Variants in ABCA13 observed in about 807,000 individuals in gnomAD.
ABCA13 encodes the protein ATP binding cassette subfamily A member 13.
In ABCA13, 476 loss-of-function variants were observed where a neutral mutation model predicts 478.7. The ratio of observed to expected loss-of-function variants is 0.99; its 90% CI spans 0.92 to 1.07. ABCA13 has a LOEUF of 1.07. Among genes scored for constraint, ABCA13 ranks in the 50% least tolerant of loss-of-function variants. ABCA13 has a pLI of 0.00. For missense variants in ABCA13, 6,060 were observed against 5,910.6 expected (o/e 1.03, Z -0.83); for synonymous variants, 2,252 against 2,158.9 (o/e 1.04, Z -1.20).
intron 31 of ABCA13, among the ~76,000 whole-genome samples, chr7:48,356,913 C>T (rs563421789): frequency 4.6e-5 from 7 of 152,104 alleles, no homozygotes; most frequent in Admixed American, 2.6e-4. Context: ...ACAAAAACCA[C>T]AACAATATCC....
At position 48,244,563 on chromosome 7, in the gene ABCA13, T is replaced by C; in HGVS notation, c.1263-13T>C. The C allele has an allele frequency of 6.2e-7, 1 of 1,608,604 alleles. No homozygotes were observed. Among genetic ancestry groups the C allele is most frequent in the South Asian group, 1.1e-5 (1 of 90,054 alleles). On this transcript the variant is annotated splice_polypyrimidine_tract_variant and intron_variant, in intron 10 of 61. Coordinates refer to ENST00000435803, the MANE Select transcript of ABCA13 (RefSeq NM_152701.5). The stretch of plus-strand genomic sequence containing the variant: ...CTTTTCATTTTATTTCATTTATTTA[T>C]TTTTGCCCTCAGATTACAGCATCTG...
At chr7:48,429,207 T>G (rs1307567784) in intron 42 of ABCA13, among the ~76,000 whole-genome samples, 1 of 152,194 alleles carries the variant, frequency 6.6e-6, no homozygotes, top group African/African-American at 2.4e-5. Context: ...GCATTTGGGG[T>G]TGTTTCCAGT....
intron 58 of ABCA13, among the ~76,000 whole-genome samples, chr7:48,597,201 G>C (rs1014017425): frequency 3.3e-5 from 5 of 152,046 alleles, no homozygotes; most frequent in Admixed American, 6.6e-5. Context: ...CCGCCCGCCT[G>C]GGCCTCCCAA....
chr7:48,461,788 C>T (rs1430151526), intron 43 of ABCA13, among the ~76,000 whole-genome samples: 1 of 152,132 alleles, frequency 6.6e-6, no homozygotes, highest in African/African-American at 2.4e-5. Flanking sequence ...ACAGTGAACT[C>T]ACAGATGTTG....
At chr7:48,293,943 A>G (rs1798951844) in intron 20 of ABCA13, among the ~76,000 whole-genome samples, 1 of 152,210 alleles carries the variant, frequency 6.6e-6, no homozygotes, top group South Asian at 2.1e-4. Flanking sequence ...GGAGCCTCTC[A>G]GGCTGTACTG....
chr7:48,329,819 A>C (rs1584875011), intron 27 of ABCA13, among the ~76,000 whole-genome samples: 1 of 151,770 alleles, frequency 6.6e-6, no homozygotes. Flanking sequence ...TCATCCACAC[A>C]TCTATTCATT....
intron 41 of ABCA13, among the ~76,000 whole-genome samples, chr7:48,423,683 G>C (rs755621810): frequency 6.6e-6 from 1 of 152,158 alleles, no homozygotes; most frequent in Non-Finnish European, 1.5e-5. Flanking sequence ...TGAATTTACT[G>C]TCCCTTGAAA....
intron 38 of ABCA13, 23 bp from the exon 39 acceptor site, chr7:48,403,660 G>C (rs769768183): frequency 6.8e-6 from 11 of 1,607,954 alleles, no homozygotes; most frequent in Non-Finnish European, 9.4e-6. Context: ...AGGGAGAAGA[G>C]TGATGTTTTC....
In ABCA13 at chr7:48,376,382, C is replaced by A. The variant is rs1340461786; in HGVS notation, c.11204-59C>A. ...TCCAGAAGTAATGAACTCATCATGA[C>A]AAAATCTACCATAAAAGAGCTTGTG... On this transcript the variant is annotated intron_variant, in intron 34 of 61. Transcript: ENST00000435803. The A allele has an allele frequency of 1.0e-5, 16 of 1,573,156 alleles. No homozygotes were observed. In the Middle Eastern group the frequency reaches 5.1e-4, roughly 50 times the overall value.
At chr7:48,463,099 T>C (rs565518297) in intron 43 of ABCA13, among the ~76,000 whole-genome samples, 6 of 152,338 alleles carry the variant, frequency 3.9e-5, no homozygotes, top group African/African-American at 9.6e-5. Context: ...TGTGTAGGCA[T>C]GTGCTTCTCT....
At chr7:48,203,306 C>G (rs1487207070) in intron 3 of ABCA13, among the ~76,000 whole-genome samples, 1 of 152,236 alleles carries the variant, frequency 6.6e-6, no homozygotes, top group Non-Finnish European at 1.5e-5. Flanking sequence ...CCCTCCACAC[C>G]TCCCCGCAAG....
intron 9 of ABCA13, among the ~76,000 whole-genome samples, chr7:48,240,634 G>T (rs1790692972): frequency 6.6e-6 from 1 of 152,140 alleles, no homozygotes; most frequent in African/African-American, 2.4e-5. Context: ...GGGGAAAAAA[G>T]AGAAATAAGG....
intron 15 of ABCA13, among the ~76,000 whole-genome samples, chr7:48,265,575 AT>A (rs1490226324): frequency 6.6e-6 from 1 of 151,422 alleles, no homozygotes; most frequent in Non-Finnish European, 1.5e-5. Context: ...ATCTTCAATA[AT>A]TTGTTGCTCA....
At position 48,580,259 on chromosome 7, in the gene ABCA13, G is replaced by T; in HGVS notation, c.14390G>T (p.Gly4797Val). 1.2e-6 allele frequency: 2 copies of T among 1,611,298 alleles called. No individual in the cohort carries two copies. The highest frequency in any genetic ancestry group is 1.1e-5 in the South Asian group (1 of 90,516). ...GACCTGTCTTCTGCTGGCACGGCAG[G>T]CGTGCTCATTGGCTACTGTCCCCAG... ...AVDLSSAGTA[G>V]VLIGYCPQQD... is the part of the protein sequence containing the mutation. Residue 4797 changes from glycine (G) to valine (V), a missense_variant, in exon 56 of 62, where the codon GGC becomes GTC. By Grantham distance (109) the Gly-to-Val change is moderately radical. This residue lies in a region of ABCA13 where 1,627 missense variants were observed against 1,571.0 expected (regional missense o/e 1.04). Coordinates refer to ENST00000435803, the MANE Select transcript of ABCA13 (RefSeq NM_152701.5).
At chr7:48,550,807 T>G (rs2131192211) in intron 55 of ABCA13, among the ~76,000 whole-genome samples, 1 of 151,388 alleles carries the variant, frequency 6.6e-6, no homozygotes, top group South Asian at 2.1e-4. Context: ...TCATCCATGT[T>G]ATGTCACCTC....
At chr7:48,432,606 T>C (rs550519424) in intron 42 of ABCA13, among the ~76,000 whole-genome samples, 33 of 152,224 alleles carry the variant, frequency 2.2e-4, no homozygotes, top group Non-Finnish European at 3.5e-4. Context: ...AAAGAAAATA[T>C]GGCATATGTA....
chr7:48,401,765 A>ACACACACACACACG (rs1817643359), intron 38 of ABCA13, among the ~76,000 whole-genome samples: 1 of 151,978 alleles, frequency 6.6e-6, no homozygotes, highest in East Asian at 1.9e-4. Flanking sequence ...ACACACACAC[A>ACACACACACACACG]CACACACACA....
chr7:48,298,307 G>A (rs1421462314), intron 22 of ABCA13, 59 bp from the exon 23 acceptor site: 23 of 1,472,164 alleles, frequency 1.6e-5, no homozygotes, highest in South Asian at 2.8e-5. Context: ...TTTTGTTTTC[G>A]CAGTCAGTAA....
chr7:48,466,809 A>G (rs1456653824), intron 43 of ABCA13, 147 bp from the exon 44 acceptor site: 6 of 719,514 alleles, frequency 8.3e-6, no homozygotes, highest in South Asian at 5.1e-5. Flanking sequence ...AAAACAGTGG[A>G]AAATTAGCTG....
Sources: allele counts gnomAD v4.1 joint callset (sites outside exome capture counted in the v4.1 genomes callset), GRCh38; gene constraint gnomAD v4.1.1; regional missense constraint gnomAD v4.1.1; transcripts MANE v1.5; gene names NCBI Gene and HGNC (gene_info 2026-07-23, HGNC 2026-07-21).